COL15A1: variants seen among roughly 807,000 people sequenced by gnomAD.
The protein encoded by COL15A1 is collagen alpha-1(XV) chain.
COL15A1 carries 111 observed loss-of-function variants against 165.9 expected under a neutral mutation model. The ratio of observed to expected loss-of-function variants is 0.67; its 90% CI spans 0.57 to 0.78. The LOEUF is 0.78. COL15A1 is among the 30% of genes least tolerant of loss of function. The pLI is 0.00. For synonymous variants in COL15A1, 659 were observed against 674.8 expected (o/e 0.98, Z 0.36); for missense variants, 1,745 against 1,789.7 (o/e 0.98, Z 0.45).
intron 40 of COL15A1, among the ~76,000 whole-genome samples, chr9:99,068,287 G>A (rs1191574676): frequency 6.6e-6 from 1 of 151,962 alleles, no homozygotes; most frequent in Non-Finnish European, 1.5e-5. Flanking sequence ...CCAACATGAA[G>A]AAACCCTGCC....
intron 11 of COL15A1, among the ~76,000 whole-genome samples, chr9:99,018,713 A>G (rs528941287): frequency 3.0e-4 from 46 of 152,358 alleles, no homozygotes; most frequent in African/African-American, 1.0e-3. Flanking sequence ...GAAATATTTA[A>G]TGATGGGGGA....
chr9:98,993,652 G>A (rs868226646), intron 5 of COL15A1, among the ~76,000 whole-genome samples: 6 of 152,184 alleles, frequency 3.9e-5, no homozygotes, highest in Non-Finnish European at 2.9e-5. Flanking sequence ...CAGCCTGGAG[G>A]TGGCAGAGCC....
At chr9:99,021,602 C>T (rs988980229) in intron 12 of COL15A1, among the ~76,000 whole-genome samples, 3 of 152,180 alleles carry the variant, frequency 2.0e-5, no homozygotes, top group Non-Finnish European at 4.4e-5. Context: ...AGCCTTGTGC[C>T]AGGTGCTGGG....
intron 2 of COL15A1, among the ~76,000 whole-genome samples, chr9:98,960,547 G>A (rs1837849554): frequency 6.6e-6 from 1 of 152,218 alleles, no homozygotes; most frequent in African/African-American, 2.4e-5. Context: ...GGTGATGTGT[G>A]TGGCACTCAA....
intron 26 of COL15A1, among the ~76,000 whole-genome samples, chr9:99,045,617 A>C (rs149500845): frequency 4.3e-4 from 66 of 152,248 alleles, no homozygotes; most frequent in Admixed American, 1.1e-3. Flanking sequence ...TCATCTTCAC[A>C]ACCCCAAGAA....
chr9:99,064,716 A>G (rs1302564820), intron 39 of COL15A1, among the ~76,000 whole-genome samples: 2 of 152,220 alleles, frequency 1.3e-5, no homozygotes, highest in African/African-American at 4.8e-5. Flanking sequence ...AATTCATAAG[A>G]AGAACCAAAA....
At chr9:99,044,873 A>G in intron 26 of COL15A1, 103 bp downstream of exon 26, 1 of 1,144,376 alleles carries the variant, frequency 8.7e-7, no homozygotes, top group East Asian at 2.4e-5. Context: ...AAATTCAAAG[A>G]TGTGGCAAAG....
chr9:99,050,496 A>G (rs543452888), intron 30 of COL15A1, among the ~76,000 whole-genome samples: 24 of 152,334 alleles, frequency 1.6e-4, no homozygotes, highest in African/African-American at 4.3e-4. Flanking sequence ...GGGGTCAGGC[A>G]CTTGCCCGGC....
rs556531878 is a variant in COL15A1 at position 99,007,379 on chromosome 9, T to C, written c.1353+2329T>C. Among the ~76,000 whole-genome samples the C allele has an allele frequency of 2.2e-4, 33 of 152,334 alleles. 1 individual carries two copies. Among genetic ancestry groups the C allele is most frequent in the Middle Eastern group, 3.4e-3 (1 of 294 alleles). On this transcript the variant is annotated intron_variant, in intron 9 of 41. Coordinates refer to ENST00000375001, the MANE Select transcript of COL15A1 (RefSeq NM_001855.5). ...TCATTTTTCCCTTTGGCTTAGTGAT[T>C]TTGGGGGTCCTGAGATTTATTTTCC... is the stretch of plus-strand genomic sequence containing the variant.
chr9:98,980,403 C>T (rs569855505), intron 2 of COL15A1, among the ~76,000 whole-genome samples: 5 of 152,264 alleles, frequency 3.3e-5, no homozygotes, highest in Admixed American at 1.3e-4. Context: ...TCAGGGGAAG[C>T]GAGGCCTGGG....
intron 11 of COL15A1, among the ~76,000 whole-genome samples, chr9:99,017,731 C>G (rs1838960215): frequency 6.6e-6 from 1 of 152,156 alleles, no homozygotes; most frequent in African/African-American, 2.4e-5. Flanking sequence ...CACCTCACCC[C>G]AAGGTATACA....
chr9:99,039,907 C>T (rs1839371367), intron 22 of COL15A1, among the ~76,000 whole-genome samples: 4 of 152,204 alleles, frequency 2.6e-5, no homozygotes, highest in African/African-American at 7.2e-5. Context: ...TGCAGATCCC[C>T]ATGAGGTTGC....
intron 2 of COL15A1, among the ~76,000 whole-genome samples, chr9:98,958,273 A>G (rs114794160): frequency 8.9e-4 from 136 of 152,380 alleles, no homozygotes; most frequent in African/African-American, 2.9e-3. Flanking sequence ...TGAACATGCT[A>G]GGATATCTGA....
At chr9:98,944,303 A>G in intron 2 of COL15A1, 53 bp downstream of exon 2, 1 of 1,571,586 alleles carries the variant, frequency 6.4e-7, no homozygotes, top group Non-Finnish European at 8.7e-7. Flanking sequence ...CCGTGGGGGA[A>G]GTCGGTTTTG....
intron 2 of COL15A1, among the ~76,000 whole-genome samples, chr9:98,978,297 C>A (rs1473791393): frequency 6.6e-6 from 1 of 152,158 alleles, no homozygotes; most frequent in Non-Finnish European, 1.5e-5. Context: ...TGAGTGGGAG[C>A]CTCTCAGGCC....
At chr9:99,036,733 C>G (rs770702719) in intron 21 of COL15A1, among the ~76,000 whole-genome samples, 1 of 152,188 alleles carries the variant, frequency 6.6e-6, no homozygotes, top group Non-Finnish European at 1.5e-5. Flanking sequence ...GAAATAAAGC[C>G]AAAGATGAGG....
chr9:99,007,951 G>C (rs1838790688), intron 9 of COL15A1, among the ~76,000 whole-genome samples: 1 of 152,092 alleles, frequency 6.6e-6, no homozygotes, highest in South Asian at 2.1e-4. Context: ...TCTAACAACA[G>C]GTGTTCTATA....
At chr9:98,950,424 T>A (rs1425723529) in intron 2 of COL15A1, among the ~76,000 whole-genome samples, 1 of 152,108 alleles carries the variant, frequency 6.6e-6, no homozygotes, top group African/African-American at 2.4e-5. Context: ...TGCAATTCTT[T>A]CTTTCTTTCT....
Position 99,036,321 on chromosome 9 carries a change from G to A in COL15A1, c.2334G>A (p.Arg778=), listed in dbSNP as rs1435485657. ...EKGDRGPKGE[R]GMDGASIVGP... is the part of the protein sequence containing the mutation. ...CTTGCTGCTTTGACCAGGGAGAAAG[G>A]GGGATGGATGGAGCCAGTATTGTGG... Residue 778 remains arginine, a synonymous_variant, in exon 21 of 42, where the codon AGG becomes AGA. Coordinates refer to ENST00000375001, the MANE Select transcript of COL15A1 (RefSeq NM_001855.5). 1.2e-6 allele frequency: 2 copies of A among 1,614,032 alleles called. No individual in the cohort carries two copies. The highest frequency in any genetic ancestry group is 1.7e-6 in the Non-Finnish European group (2 of 1,180,034).
Sources: allele counts gnomAD v4.1 joint callset (sites outside exome capture counted in the v4.1 genomes callset), GRCh38; gene constraint gnomAD v4.1.1; transcripts MANE v1.5; gene names NCBI Gene and HGNC (gene_info 2026-07-23, HGNC 2026-07-21).